RIMS1: variants seen among roughly 807,000 people sequenced by gnomAD.
RIMS1 encodes regulating synaptic membrane exocytosis protein 1.
In RIMS1, 83 loss-of-function variants were observed where a neutral mutation model predicts 214.1. The ratio of observed to expected loss-of-function variants is 0.39; its 90% CI spans 0.32 to 0.47. The LOEUF (loss-of-function observed/expected upper bound fraction) is 0.47. Among genes scored for constraint, RIMS1 ranks in the 20% least tolerant of loss-of-function variants. The pLI, the probability that RIMS1 is intolerant of heterozygous loss-of-function variation, is 0.99. For synonymous variants in RIMS1, 793 were observed against 786.8 expected (o/e 1.01, Z -0.13); for missense variants, 2,050 against 2,161.8 (o/e 0.95, Z 1.03).
chr6:72,147,001 C>A (rs187616503), intron 4 of RIMS1, among the ~76,000 whole-genome samples: 1 of 152,146 alleles, frequency 6.6e-6, no homozygotes, highest in South Asian at 2.1e-4. Flanking sequence ...GTAAAGCAGG[C>A]AAGTCAAACG....
At chr6:72,358,344 T>C (rs1227426233) in intron 29 of RIMS1, among the ~76,000 whole-genome samples, 3 of 152,176 alleles carry the variant, frequency 2.0e-5, no homozygotes, top group African/African-American at 4.8e-5. Flanking sequence ...TATTTTTCTC[T>C]TTTTTTAAGT....
chr6:71,908,064 C>A (rs963921826), intron 1 of RIMS1, among the ~76,000 whole-genome samples: 1 of 152,146 alleles, frequency 6.6e-6, no homozygotes, highest in African/African-American at 2.4e-5. Flanking sequence ...TTTCTGTTTA[C>A]CTTTTTGGAT....
intron 29 of RIMS1, among the ~76,000 whole-genome samples, chr6:72,378,787 C>T (rs1039057173): frequency 3.9e-5 from 6 of 152,060 alleles, no homozygotes; most frequent in Non-Finnish European, 5.9e-5. Context: ...TGCAGTGAGC[C>T]GAGATCATGC....
intron 18 of RIMS1, among the ~76,000 whole-genome samples, chr6:72,259,589 A>T (rs2077142202): frequency 1.4e-5 from 2 of 148,136 alleles, no homozygotes; most frequent in South Asian, 4.4e-4. Context: ...TTCTTTTCAT[A>T]AAATCTCTTT....
chr6:71,932,193 C>T (rs1480070776), intron 1 of RIMS1, among the ~76,000 whole-genome samples: 1 of 152,000 alleles, frequency 6.6e-6, no homozygotes, highest in Admixed American at 6.6e-5. Context: ...TTCATTGCAG[C>T]TATTCACAAT....
intron 28 of RIMS1, among the ~76,000 whole-genome samples, chr6:72,332,606 A>G (rs373247947): frequency 6.7e-6 from 1 of 150,146 alleles, no homozygotes; most frequent in South Asian, 2.1e-4. Context: ...TAATGGGTGC[A>G]GCACACCAGC....
intron 23 of RIMS1, among the ~76,000 whole-genome samples, chr6:72,274,888 A>G (rs2085365798): frequency 6.6e-6 from 1 of 151,762 alleles, no homozygotes; most frequent in Non-Finnish European, 1.5e-5. Context: ...ATATTAAATA[A>G]TGTCTGTCTT....
chr6:72,115,761 G>A (rs191323340), intron 4 of RIMS1, among the ~76,000 whole-genome samples: 20 of 151,874 alleles, frequency 1.3e-4, no homozygotes, highest in African/African-American at 4.8e-4. Flanking sequence ...ATCACAGCTC[G>A]AGGTTCATTA....
At chr6:72,231,385 AG>A (rs1240165206) in intron 6 of RIMS1, among the ~76,000 whole-genome samples, 2 of 151,744 alleles carry the variant, frequency 1.3e-5, no homozygotes, top group Non-Finnish European at 3.0e-5. Flanking sequence ...ATATGAAGGA[AG>A]TATAATTGTA....
intron 4 of RIMS1, among the ~76,000 whole-genome samples, chr6:72,157,855 C>T (rs2044650638): frequency 7.1e-6 from 1 of 140,118 alleles, no homozygotes; most frequent in Non-Finnish European, 1.6e-5. Flanking sequence ...GTTATATTAG[C>T]ATTCTATCTT....
chr6:72,221,683 G>C (rs2058491201), intron 6 of RIMS1, among the ~76,000 whole-genome samples: 1 of 151,918 alleles, frequency 6.6e-6, no homozygotes, highest in Non-Finnish European at 1.5e-5. Context: ...ATTTTGAAAT[G>C]GAGATCAGAC....
At chr6:72,395,612 A>G (rs538315865) in intron 31 of RIMS1, among the ~76,000 whole-genome samples, 13 of 152,186 alleles carry the variant, frequency 8.5e-5, no homozygotes, top group Admixed American at 3.3e-4. Flanking sequence ...GACACATAAA[A>G]TAATGGAAAA....
At chr6:72,349,535 A>G (rs2097373960) in intron 29 of RIMS1, among the ~76,000 whole-genome samples, 1 of 151,924 alleles carries the variant, frequency 6.6e-6, no homozygotes, top group Non-Finnish European at 1.5e-5. Flanking sequence ...CATATATATT[A>G]ATATTTTTAT....
chr6:72,067,400 C>T (rs1829586558), intron 2 of RIMS1, among the ~76,000 whole-genome samples: 2 of 152,180 alleles, frequency 1.3e-5, no homozygotes, highest in African/African-American at 4.8e-5. Context: ...ATTCCCTCTA[C>T]CTAGAATATT....
chr6:72,202,755 G>A (rs1274717694), intron 6 of RIMS1, among the ~76,000 whole-genome samples: 2 of 152,162 alleles, frequency 1.3e-5, no homozygotes, highest in African/African-American at 4.8e-5. Context: ...TATGAAGAGG[G>A]TTTAATATCC....
chr6:72,330,400 T>A (rs73538229), intron 28 of RIMS1, among the ~76,000 whole-genome samples: 50 of 151,946 alleles, frequency 3.3e-4, no homozygotes, highest in African/African-American at 1.2e-3. Context: ...AGGAAAGGGA[T>A]TTTGTTTGAC....
At chr6:72,350,885 G>T (rs570315996) in intron 29 of RIMS1, among the ~76,000 whole-genome samples, 22 of 152,224 alleles carry the variant, frequency 1.4e-4, no homozygotes, top group African/African-American at 5.3e-4. Context: ...TGATCAGATT[G>T]GGAAAGATTA....
intron 4 of RIMS1, among the ~76,000 whole-genome samples, chr6:72,119,530 T>C (rs1161747280): frequency 2.6e-5 from 4 of 151,752 alleles, no homozygotes. Flanking sequence ...TCTGGAAGCA[T>C]CACATTACCC....
At chr6:72,380,937 C>G (rs558462287) in intron 29 of RIMS1, among the ~76,000 whole-genome samples, 1 of 152,126 alleles carries the variant, frequency 6.6e-6, no homozygotes, top group African/African-American at 2.4e-5. Flanking sequence ...TCCCCACATG[C>G]TTAAAGTATC....
Sources: gnomAD v4.1 joint callset for allele counts (sites outside exome capture counted in the v4.1 genomes callset) on GRCh38, gnomAD v4.1.1 for gene constraint, MANE v1.5 for transcripts, NCBI Gene and HGNC (gene_info 2026-07-23, HGNC 2026-07-21) for gene names.